The following RALGAPA1 variants were observed in gnomAD, a reference collection of about 807,000 sequenced individuals.
RALGAPA1 encodes the protein ral GTPase-activating protein subunit alpha-1.
In RALGAPA1, 52 loss-of-function variants were observed where a neutral mutation model predicts 269.6. The ratio of observed to expected loss-of-function variants is 0.19; its 90% confidence interval spans 0.15 to 0.24. RALGAPA1 has a LOEUF of 0.24. Ranked by LOEUF, RALGAPA1 falls within the 10% of genes least tolerant of loss-of-function variation. RALGAPA1 has a pLI of 1.00. For missense variants in RALGAPA1, 1,917 were observed against 3,013.9 expected (o/e 0.64, Z 8.52); for synonymous variants, 817 against 1,008.3 (o/e 0.81, Z 3.60).
intron 1 of RALGAPA1, among the ~76,000 whole-genome samples, chr14:35,788,589 A>T (rs1324831101): frequency 1.3e-5 from 2 of 152,192 alleles, no homozygotes; most frequent in African/African-American, 4.8e-5. Flanking sequence ...GTTCAAGACC[A>T]GCTTCAGCAA....
At chr14:35,639,220 A>C (rs2061852554) in intron 31 of RALGAPA1, among the ~76,000 whole-genome samples, 1 of 152,246 alleles carries the variant, frequency 6.6e-6, no homozygotes, top group African/African-American at 2.4e-5. Context: ...TTAATTCAGC[A>C]AGAGGATAAA....
intron 35 of RALGAPA1, 108 bp from the exon 36 acceptor site, chr14:35,605,817 GA>G (rs1331680575): frequency 4.6e-6 from 6 of 1,299,658 alleles, no homozygotes; most frequent in African/African-American, 1.5e-5. Context: ...AGATGAAAAA[GA>G]ATTAGATCTT....
chr14:35,773,042 T>A (rs1157959931), intron 3 of RALGAPA1, among the ~76,000 whole-genome samples: 1 of 152,194 alleles, frequency 6.6e-6, no homozygotes, highest in Non-Finnish European at 1.5e-5. Flanking sequence ...TGCATAATTA[T>A]ATTTATTTTT....
At chr14:35,663,715 G>A (rs1453626045) in intron 27 of RALGAPA1, among the ~76,000 whole-genome samples, 1 of 150,680 alleles carries the variant, frequency 6.6e-6, no homozygotes, top group Admixed American at 6.6e-5. Flanking sequence ...TCAGCCTCCC[G>A]AGTAGCTGGG....
Position 35,765,561 on chromosome 14 carries a change from C to T in RALGAPA1, c.326-2808G>A, listed in dbSNP as rs889682037. On this transcript the variant is annotated intron_variant, in intron 4 of 41. Coordinates refer to ENST00000680220, the MANE Select transcript of RALGAPA1 (RefSeq NM_001346249.2). ...TGTCACCCAGGCTGGAGTGCAGTGG[C>T]ACAATCATGGCCTACTGCAGCCTTG... Among the ~76,000 whole-genome samples the T allele has an allele frequency of 3.3e-5, 5 of 152,252 alleles. No individual in the cohort carries two copies. The East Asian group carries it at 9.6e-4, about 29-fold the overall frequency.
chr14:35,575,596 C>T (rs1006521806), intron 37 of RALGAPA1, among the ~76,000 whole-genome samples: 1 of 151,970 alleles, frequency 6.6e-6, no homozygotes, highest in Non-Finnish European at 1.5e-5. Flanking sequence ...CAACCCATTT[C>T]TTATTTATTT....
At chr14:35,719,708 T>G (rs1231797699) in intron 16 of RALGAPA1, among the ~76,000 whole-genome samples, 2 of 152,214 alleles carry the variant, frequency 1.3e-5, no homozygotes, top group African/African-American at 4.8e-5. Context: ...AGATTTGATT[T>G]AAATAAAATA....
chr14:35,544,934 C>A (rs577835586), intron 41 of RALGAPA1, among the ~76,000 whole-genome samples: 1 of 152,074 alleles, frequency 6.6e-6, no homozygotes, highest in Non-Finnish European at 1.5e-5. Flanking sequence ...GTAATCCCAG[C>A]TACTTGAGAG....
chr14:35,566,648 C>T lies in RALGAPA1; in HGVS notation c.7496+3969G>A, dbSNP rs138952282. On this transcript the variant is annotated intron_variant, in intron 39 of 41. Coordinates refer to ENST00000680220, the MANE Select transcript of RALGAPA1 (RefSeq NM_001346249.2). ...TGCTTGATTTTTTCCTTAATGAGAA[C>T]GTAATCTGATATTTCAAAAAGGTAC... Among the ~76,000 whole-genome samples, 17 of 151,636 alleles carry T rather than the reference C, an allele frequency of 1.1e-4. 1 individual carries two copies. The highest frequency in any genetic ancestry group is 1.9e-4 in the African/African-American group (8 of 41,418).
intron 8 of RALGAPA1, among the ~76,000 whole-genome samples, chr14:35,750,913 A>G (rs1187338282): frequency 6.6e-6 from 1 of 152,198 alleles, no homozygotes; most frequent in East Asian, 1.9e-4. Context: ...TATTTTTACA[A>G]AATATCAAAA....
chr14:35,596,382 C>T (rs1477213131), intron 36 of RALGAPA1, among the ~76,000 whole-genome samples: 1 of 151,470 alleles, frequency 6.6e-6, no homozygotes, highest in Non-Finnish European at 1.5e-5. Context: ...GATGATATTC[C>T]CCGGACCTGT....
intron 41 of RALGAPA1, chr14:35,542,006 A>C: frequency 8.0e-7 from 1 of 1,249,804 alleles, no homozygotes; most frequent in African/African-American, 1.5e-5. Context: ...AATGCTTTGT[A>C]AATTCAAATG....
At chr14:35,597,254 C>G (rs1253633359) in intron 36 of RALGAPA1, among the ~76,000 whole-genome samples, 1 of 152,150 alleles carries the variant, frequency 6.6e-6, no homozygotes, top group Non-Finnish European at 1.5e-5. Context: ...TCCACAGATG[C>G]CACCAACAAT....
intron 39 of RALGAPA1, chr14:35,564,503 T>C (rs188957342): frequency 1.8e-4 from 27 of 152,280 alleles, no homozygotes; most frequent in Admixed American, 1.5e-3. Flanking sequence ...GTAGCAGAGC[T>C]TGAGGGAGAA....
intron 33 of RALGAPA1, among the ~76,000 whole-genome samples, chr14:35,630,714 G>C (rs1436387080): frequency 6.6e-6 from 1 of 152,096 alleles, no homozygotes; most frequent in Non-Finnish European, 1.5e-5. Flanking sequence ...GGCCAACATG[G>C]CGAAACCGTG....
chr14:35,683,618 T>C lies in RALGAPA1; in HGVS notation c.4471+191A>G, dbSNP rs868787484. On this transcript the variant is annotated intron_variant, in intron 21 of 41. Transcript: ENST00000680220. ...AATACTACAAGTTCACAGAGTCCTC[T>C]GAAGCTTAACCCAGTGGACCTCAGG... is the stretch of plus-strand genomic sequence containing the variant. 41 of 495,936 alleles carry C rather than the reference T, an allele frequency of 8.3e-5. No individual in the cohort carries two copies. In the Middle Eastern group the frequency reaches 1.7e-3, roughly 20 times the overall value. 30.7% of individuals were successfully genotyped at this position (495,936 alleles called of 1,614,324 possible).
chr14:35,581,161 C>T (rs769535454), intron 37 of RALGAPA1, among the ~76,000 whole-genome samples: 4 of 152,096 alleles, frequency 2.6e-5, no homozygotes, highest in East Asian at 1.9e-4. Context: ...CTGGCTTCTA[C>T]GATTAAGTTT....
intron 39 of RALGAPA1, among the ~76,000 whole-genome samples, chr14:35,564,061 G>A (rs2056500031): frequency 6.6e-6 from 1 of 152,156 alleles, no homozygotes; most frequent in Non-Finnish European, 1.5e-5. Flanking sequence ...AATATCCCAA[G>A]TGTCAATGTA....
At position 35,795,668 on chromosome 14, in the gene RALGAPA1, G is replaced by GA. The variant is rs1410215907; in HGVS notation, c.106+13061dup. Reference sequence around the variant, plus strand: ...TTTCAAATAACTTGATTGTATCCCGGAAAAAAGCTCAAGAATTTATAGGTG... The same window carrying GA: ...TTTCAAATAACTTGATTGTATCCCGGAAAAAAAGCTCAAGAATTTATAGGTG... On this transcript the variant is annotated intron_variant, in intron 1 of 41. Transcript: ENST00000680220. Among the ~76,000 whole-genome samples, 7 of 152,060 alleles carry GA rather than the reference G, an allele frequency of 4.6e-5. No individual in the cohort carries two copies. In the East Asian group the frequency reaches 1.4e-3, roughly 29 times the overall value.
Sources: gnomAD v4.1 joint callset for allele counts (sites outside exome capture counted in the v4.1 genomes callset) on GRCh38, gnomAD v4.1.1 for gene constraint, MANE v1.5 for transcripts, NCBI Gene and HGNC (gene_info 2026-07-23, HGNC 2026-07-21) for gene names.